DLG2: variants seen among roughly 807,000 people sequenced by gnomAD.
DLG2 encodes the protein disks large homolog 2.
Under a neutral mutation model 132.5 loss-of-function variants are expected in DLG2, and 45 were observed. The ratio of observed to expected loss-of-function variants is 0.34; its 90% confidence interval spans 0.27 to 0.44. The LOEUF (loss-of-function observed/expected upper bound fraction) is 0.44. Among genes scored for constraint, DLG2 ranks in the 20% least tolerant of loss-of-function variants. DLG2 has a pLI of 1.00. For missense variants in DLG2, 1,045 were observed against 1,196.9 expected (o/e 0.87, Z 1.87); for synonymous variants, 424 against 419.6 (o/e 1.01, Z -0.13).
intron 6 of DLG2, among the ~76,000 whole-genome samples, chr11:84,622,931 C>T (rs114289553): frequency 0.025 from 3,771 of 152,162 alleles, 188 homozygotes; most frequent in African/African-American, 0.086. Flanking sequence ...ATAAACCAAT[C>T]TCTGGAAATT....
intron 7 of DLG2, among the ~76,000 whole-genome samples, chr11:84,331,461 AT>A (rs1190412106): frequency 5.3e-5 from 8 of 150,460 alleles, no homozygotes; most frequent in South Asian, 2.1e-4. Context: ...AAAAAAAAAA[AT>A]AAATAAATAA....
intron 6 of DLG2, among the ~76,000 whole-genome samples, chr11:84,956,781 C>T (rs565459308): frequency 9.9e-5 from 15 of 152,134 alleles, no homozygotes; most frequent in Non-Finnish European, 1.6e-4. Context: ...GGTTATGTGA[C>T]TCACCCTAGG....
intron 10 of DLG2, 60 bp downstream of exon 10, chr11:84,098,863 T>G: frequency 6.4e-7 from 1 of 1,570,886 alleles, no homozygotes; most frequent in East Asian, 2.3e-5. Flanking sequence ...AAGGTACAAA[T>G]GTGTCTCATT....
intron 3 of DLG2, among the ~76,000 whole-genome samples, chr11:85,362,750 T>G (rs2084260006): frequency 6.6e-6 from 1 of 152,188 alleles, no homozygotes; most frequent in Non-Finnish European, 1.5e-5. Context: ...CTCTCAGGGA[T>G]GATATTTTTC....
At chr11:85,398,965 A>G (rs1428999349) in intron 3 of DLG2, among the ~76,000 whole-genome samples, 2 of 152,160 alleles carry the variant, frequency 1.3e-5, no homozygotes, top group Non-Finnish European at 2.9e-5. Flanking sequence ...AAGGGTATTC[A>G]ATTAGGAAAA....
chr11:84,636,601 C>A (rs1489851338), intron 6 of DLG2, among the ~76,000 whole-genome samples: 1 of 152,140 alleles, frequency 6.6e-6, no homozygotes, highest in Non-Finnish European at 1.5e-5. Context: ...GAGGAAACAT[C>A]ATTTTCCTAT....
At chr11:84,367,381 A>T (rs570714013) in intron 7 of DLG2, among the ~76,000 whole-genome samples, 11 of 152,218 alleles carry the variant, frequency 7.2e-5, no homozygotes, top group African/African-American at 2.6e-4. Context: ...TTCCAGTGAA[A>T]CTTTATTTAC....
At chr11:85,626,386 A>G (rs534674858) in intron 2 of DLG2, among the ~76,000 whole-genome samples, 2 of 152,360 alleles carry the variant, frequency 1.3e-5, no homozygotes, top group African/African-American at 4.8e-5. Context: ...CTGATTTATG[A>G]AATCATAAAT....
intron 18 of DLG2, among the ~76,000 whole-genome samples, chr11:83,749,468 G>C (rs2093158024): frequency 6.6e-6 from 1 of 152,066 alleles, no homozygotes; most frequent in Non-Finnish European, 1.5e-5. Flanking sequence ...GTTATGATCT[G>C]TGCCATTTGT....
intron 6 of DLG2, among the ~76,000 whole-genome samples, chr11:84,559,962 C>G (rs2099421136): frequency 6.6e-6 from 1 of 152,036 alleles, no homozygotes; most frequent in Non-Finnish European, 1.5e-5. Flanking sequence ...TGATGAAGAC[C>G]TACTCTGTGC....
At chr11:84,736,488 C>G (rs2063847538) in intron 6 of DLG2, among the ~76,000 whole-genome samples, 1 of 152,002 alleles carries the variant, frequency 6.6e-6, no homozygotes, top group East Asian at 1.9e-4. Context: ...GAATGAACAT[C>G]TTAATGATAC....
rs190316485 is a variant in DLG2, at chr11:84,548,458, T to A, written c.358-13727A>T. 4.0e-3 allele frequency among the ~76,000 whole-genome samples: 462 copies of A among 115,216 alleles called. 3 individuals carry two copies. Among genetic ancestry groups the A allele is most frequent in the African/African-American group, 0.014 (434 of 29,994 alleles). 75.6% of individuals were successfully genotyped at this position (115,216 alleles called of 152,430 possible). On this transcript the variant is annotated intron_variant, in intron 6 of 27. Coordinates refer to ENST00000376104, the MANE Select transcript of DLG2 (RefSeq NM_001142699.3). Reference sequence around the variant, plus strand: ...CCCCCCACCCCACAACAGGCCCCGGTGTGTGATGTTCCCCTTCCTGTGTCC... The same window carrying A: ...CCCCCCACCCCACAACAGGCCCCGGAGTGTGATGTTCCCCTTCCTGTGTCC...
At chr11:84,602,512 T>C (rs1005942207) in intron 6 of DLG2, among the ~76,000 whole-genome samples, 1 of 152,056 alleles carries the variant, frequency 6.6e-6, no homozygotes, top group African/African-American at 2.4e-5. Context: ...TAAGCTTTCC[T>C]TTCAATTCAT....
chr11:84,037,540 A>G (rs1427645316), intron 11 of DLG2, among the ~76,000 whole-genome samples: 1 of 152,132 alleles, frequency 6.6e-6, no homozygotes, highest in African/African-American at 2.4e-5. Flanking sequence ...CTGTATTTCA[A>G]GACAGTTCTG....
intron 10 of DLG2, among the ~76,000 whole-genome samples, chr11:84,088,793 T>C (rs1415801454): frequency 6.6e-6 from 1 of 152,192 alleles, no homozygotes; most frequent in African/African-American, 2.4e-5. Flanking sequence ...AATGAGTCCA[T>C]TGAGATTTGC....
chr11:85,073,259 C>T (rs1335152859), intron 6 of DLG2, among the ~76,000 whole-genome samples: 1 of 151,830 alleles, frequency 6.6e-6, no homozygotes, highest in Non-Finnish European at 1.5e-5. Flanking sequence ...TTCCAGGTCA[C>T]TCCAGGGTGT....
intron 10 of DLG2, among the ~76,000 whole-genome samples, chr11:84,093,377 C>A (rs1299002977): frequency 6.6e-6 from 1 of 152,130 alleles, no homozygotes; most frequent in African/African-American, 2.4e-5. Flanking sequence ...CTCACATGGC[C>A]TCCTTCATTT....
In DLG2 at chr11:84,304,980, A is replaced by G. The variant is rs2154383900; in HGVS notation, c.520-53689T>C. Among the ~76,000 whole-genome samples, 5 of 152,352 alleles carry G rather than the reference A, an allele frequency of 3.3e-5. No homozygotes were observed. In the South Asian group the frequency reaches 1.0e-3, roughly 32 times the overall value. ...CCTTTTTTCATCTGAAATAAAATTC[A>G]TAGATGATACAACTGACTACACATA... On this transcript the variant is annotated intron_variant, in intron 7 of 27. Transcript: ENST00000376104.
chr11:84,806,599 G>T (rs1417920183), intron 6 of DLG2, among the ~76,000 whole-genome samples: 1 of 152,072 alleles, frequency 6.6e-6, no homozygotes, highest in African/African-American at 2.4e-5. Context: ...TATTCTTCAG[G>T]AATTAAAAGG....
Sources: allele counts gnomAD v4.1 joint callset (sites outside exome capture counted in the v4.1 genomes callset), GRCh38; gene constraint gnomAD v4.1.1; transcripts MANE v1.5; gene names NCBI Gene and HGNC (gene_info 2026-07-23, HGNC 2026-07-21).